Variants in TANK observed in about 807,000 individuals in gnomAD.
TANK encodes the protein TRAF family member-associated NF-kappa-B activator.
Under a neutral mutation model 43.6 loss-of-function variants are expected in TANK, and 15 were observed. The ratio of observed to expected loss-of-function variants is 0.34; its 90% CI spans 0.23 to 0.53. The LOEUF (loss-of-function observed/expected upper bound fraction) is 0.53, where lower values mean the gene tolerates loss of function less well. Ranked by LOEUF, TANK falls within the 20% of genes least tolerant of loss-of-function variation. The pLI is 0.94. For missense variants in TANK, 417 were observed against 498.6 expected (o/e 0.84, Z 1.56); for synonymous variants, 162 against 178.2 (o/e 0.91, Z 0.73).
intron 2 of TANK, among the ~76,000 whole-genome samples, chr2:161,190,259 A>G (rs762357496): frequency 7.9e-5 from 12 of 152,226 alleles, no homozygotes; most frequent in Non-Finnish European, 1.6e-4. Flanking sequence ...GTGAGATGCT[A>G]CTTCACACCC....
chr2:161,159,291 T>C (rs1360613808), upstream of TANK: 4 of 152,220 alleles, frequency 2.6e-5, no homozygotes, highest in Non-Finnish European at 5.9e-5. Context: ...TGAGGGATGT[T>C]GATAATGGGG....
chr2:161,140,467 A>ATTTGTCTT (rs1683712145), intron 1 of TANK, among the ~76,000 whole-genome samples: 1 of 150,066 alleles, frequency 6.7e-6, no homozygotes, highest in African/African-American at 2.5e-5. Flanking sequence ...CATTTTGTCC[A>ATTTGTCTT]TTTGTCTTTT....
chr2:161,159,388 CA>C (rs1394212924), upstream of TANK, among the ~76,000 whole-genome samples: 1 of 151,982 alleles, frequency 6.6e-6, no homozygotes, highest in Non-Finnish European at 1.5e-5. Flanking sequence ...AAACTGCCCT[CA>C]AAAAAAGTTT....
At chr2:161,164,127 A>G (rs1384624293) in intron 1 of TANK, among the ~76,000 whole-genome samples, 2 of 152,336 alleles carry the variant, frequency 1.3e-5, no homozygotes, top group Non-Finnish European at 2.9e-5. Context: ...GAGTTGCCCT[A>G]TGATGAAAGA....
At chr2:161,161,001 C>G (rs932812579) in intron 1 of TANK, 1 of 470,206 alleles carries the variant, frequency 2.1e-6, no homozygotes, top group African/African-American at 1.9e-5. Flanking sequence ...ATAGCCTGGT[C>G]AATGAGAAGT....
intron 1 of TANK, among the ~76,000 whole-genome samples, chr2:161,149,854 A>G (rs939240565): frequency 6.6e-5 from 10 of 152,082 alleles, no homozygotes; most frequent in African/African-American, 2.4e-4. Flanking sequence ...CATGATGTAT[A>G]ATACACTTAA....
chr2:161,184,278 G>A (rs928389653), intron 2 of TANK, among the ~76,000 whole-genome samples: 1 of 152,058 alleles, frequency 6.6e-6, no homozygotes, highest in African/African-American at 2.4e-5. Flanking sequence ...CTGACAGTGG[G>A]ATAGAGATAG....
chr2:161,197,124 C>CTT (rs1277293375), intron 2 of TANK, among the ~76,000 whole-genome samples: 3 of 152,156 alleles, frequency 2.0e-5, no homozygotes, highest in Admixed American at 6.6e-5. Flanking sequence ...AGGGATGATA[C>CTT]TGCCATGTTT....
intron 2 of TANK, chr2:161,200,730 G>A (rs1162272288): frequency 1.1e-5 from 2 of 181,630 alleles, no homozygotes; most frequent in African/African-American, 4.8e-5. Flanking sequence ...AGAAATATAA[G>A]CAAAAGCATT....
intron 1 of TANK, among the ~76,000 whole-genome samples, chr2:161,141,100 T>C (rs913552278): frequency 1.3e-5 from 2 of 152,166 alleles, no homozygotes; most frequent in African/African-American, 4.8e-5. Context: ...CATTTTAAAA[T>C]GAACAATTCA....
chr2:161,235,554 G>C lies in TANK; in HGVS notation c.*36G>C. On this transcript the variant is annotated 3_prime_UTR_variant, in exon 8 of 8. Transcript: ENST00000392749. ...AAAACAGACATATCAAGTTCTATGT[G>C]ATGATTTTGGGTTTTTAATACTATA... The C allele has an allele frequency of 6.5e-7, 1 of 1,539,270 alleles. No individual in the cohort carries two copies. Among genetic ancestry groups the C allele is most frequent in the Non-Finnish European group, 8.8e-7 (1 of 1,139,366 alleles).
intron 4 of TANK, among the ~76,000 whole-genome samples, chr2:161,222,449 TTAA>T (rs2105381225): frequency 6.6e-6 from 1 of 152,228 alleles, no homozygotes; most frequent in East Asian, 1.9e-4. Flanking sequence ...TGATATAGAC[TTAA>T]TAATAAAATC....
At chr2:161,153,841 C>G (rs940821376) in intron 1 of TANK, among the ~76,000 whole-genome samples, 1 of 152,078 alleles carries the variant, frequency 6.6e-6, no homozygotes, top group Admixed American at 6.5e-5. Flanking sequence ...CGACCTTTGA[C>G]AGGAAAAGAA....
At chr2:161,146,114 C>T (rs969857592) in intron 1 of TANK, among the ~76,000 whole-genome samples, 13 of 152,098 alleles carry the variant, frequency 8.5e-5, no homozygotes, top group Admixed American at 2.6e-4. Context: ...TTGGTCAATT[C>T]GGCTATTGAT....
At chr2:161,204,140 C>A (rs1686543684) in intron 3 of TANK, among the ~76,000 whole-genome samples, 1 of 151,774 alleles carries the variant, frequency 6.6e-6, no homozygotes, top group Non-Finnish European at 1.5e-5. Context: ...GTGTTTTTTT[C>A]ATTTATGCAG....
At chr2:161,146,961 C>T (rs1043369088) in intron 1 of TANK, among the ~76,000 whole-genome samples, 2 of 152,128 alleles carry the variant, frequency 1.3e-5, no homozygotes, top group African/African-American at 4.8e-5. Flanking sequence ...GACCGCAGCA[C>T]CCCTCCCCCT....
intron 1 of TANK, among the ~76,000 whole-genome samples, chr2:161,170,781 A>G (rs562908017): frequency 2.0e-4 from 31 of 152,346 alleles, no homozygotes; most frequent in African/African-American, 6.0e-4. Context: ...ACAGAGGTCC[A>G]TAGAAAGGTT....
chr2:161,212,575 A>T, intron 4 of TANK: 1 of 985,188 alleles, frequency 1.0e-6, no homozygotes, highest in Non-Finnish European at 1.2e-6. Context: ...AGAAAAGAAA[A>T]TAAGAAGTGA....
At chr2:161,183,139 C>T (rs909771557) in intron 2 of TANK, among the ~76,000 whole-genome samples, 1 of 152,152 alleles carries the variant, frequency 6.6e-6, no homozygotes, top group Non-Finnish European at 1.5e-5. Flanking sequence ...ATTGATAAAT[C>T]TATAAAACTA....
Sources: allele counts gnomAD v4.1 joint callset (sites outside exome capture counted in the v4.1 genomes callset), GRCh38; gene constraint gnomAD v4.1.1; transcripts MANE v1.5; gene names NCBI Gene and HGNC (gene_info 2026-07-23, HGNC 2026-07-21).